The following BTNL9 variants were observed in gnomAD, a reference collection of about 807,000 sequenced individuals.
BTNL9 encodes the protein butyrophilin-like protein 9.
In BTNL9, 45 loss-of-function variants were observed where a neutral mutation model predicts 45.8. The ratio of observed to expected loss-of-function variants is 0.98; its 90% CI spans 0.77 to 1.26. BTNL9 has a LOEUF of 1.26. Ranked by LOEUF, BTNL9 falls within the 50% of genes most tolerant of loss-of-function variation. The pLI is 0.00. For missense variants in BTNL9, 784 were observed against 729.7 expected (o/e 1.07, Z -0.86); for synonymous variants, 346 against 330.8 (o/e 1.05, Z -0.50).
At chr5:181,059,185 G>C (rs1245157485) in intron 10 of BTNL9, 52 bp from the exon 11 acceptor site, 1 of 1,430,180 alleles carries the variant, frequency 7.0e-7, no homozygotes, top group Non-Finnish European at 9.1e-7. Flanking sequence ...GGGAAGACAC[G>C]GACGGGGCCC....
At position 181,044,412 on chromosome 5, in the gene BTNL9, A is replaced by G. The variant is rs904869985; in HGVS notation, c.-23-1055A>G. 3.3e-5 allele frequency among the ~76,000 whole-genome samples: 5 copies of G among 152,280 alleles called. No homozygotes were observed. The South Asian group carries it at 8.3e-4, about 25-fold the overall frequency. ...GAGAGGAGCCCACCGTGGCCTTCCA[A>G]CAAGGGCACTGTGATGAAGTGAAAG... On this transcript the variant is annotated intron_variant, in intron 1 of 10. Coordinates refer to ENST00000327705, the MANE Select transcript of BTNL9 (RefSeq NM_152547.5).
At chr5:181,049,963 C>T (rs767017833) in intron 3 of BTNL9, 125 bp from the exon 4 acceptor site, 88 of 1,252,598 alleles carry the variant, frequency 7.0e-5, no homozygotes, top group Non-Finnish European at 8.6e-5. Context: ...AGCCCACACA[C>T]GTCTTAATAG....
chr5:181,058,073 GTC>G (rs1324936403), intron 9 of BTNL9, among the ~76,000 whole-genome samples: 2 of 152,146 alleles, frequency 1.3e-5, no homozygotes, highest in Non-Finnish European at 2.9e-5. Context: ...TGCTTATAGA[GTC>G]TCTTTACCTA....
intron 4 of BTNL9, among the ~76,000 whole-genome samples, chr5:181,051,201 G>C (rs184299291): frequency 6.6e-6 from 1 of 152,202 alleles, no homozygotes; most frequent in East Asian, 1.9e-4. Flanking sequence ...GGAAGTGGGC[G>C]TGTAGGCAGT....
intron 4 of BTNL9, among the ~76,000 whole-genome samples, chr5:181,051,800 A>C (rs1438668791): frequency 6.6e-6 from 1 of 152,184 alleles, no homozygotes; most frequent in Non-Finnish European, 1.5e-5. Flanking sequence ...TTTTCTTTTT[A>C]GCTTTTAATA....
Position 181,053,565 on chromosome 5 carries a change from G to A in BTNL9, c.886+64G>A, listed in dbSNP as rs892796755. ...GTGCCAAAACCCGCCGTCATCTAAA[G>A]GCTGTGGGTCCCGTTACGAGGGTTT... On this transcript the variant is annotated intron_variant, in intron 6 of 10. Transcript: ENST00000327705. This position sits in a 1 kb window ranked among gnomAD's most constrained non-coding sequence, Gnocchi z 6.5. 10 of 1,552,574 alleles carry A rather than the reference G, an allele frequency of 6.4e-6. No individual in the cohort carries two copies. Among genetic ancestry groups the A allele is most frequent in the Non-Finnish European group, 8.7e-6 (10 of 1,147,956 alleles).
Position 181,048,098 on chromosome 5 carries a change from G to A in BTNL9, c.281G>A (p.Gly94Asp), listed in dbSNP as rs370876526. The change falls in exon 3 of 11, where the codon GGC (glycine) becomes GAC (aspartate). Residue 94 changes from glycine (G) to aspartate (D), a missense_variant. Coordinates refer to ENST00000327705, the MANE Select transcript of BTNL9 (RefSeq NM_152547.5). ...TACCAGGAGCAGCAGGAGCTCCCTG[G>A]CAGGCAGATGCCGGCGTTCCGGAAC... ...HLYQEQQELP[G>D]RQMPAFRNRT... 6.2e-7 allele frequency: 1 copy of A among 1,613,554 alleles called. No individual in the cohort carries two copies. Among genetic ancestry groups the A allele is most frequent in the African/African-American group, 1.3e-5 (1 of 74,926 alleles).
chr5:181,058,265 C>CCCTCATA, intron 9 of BTNL9, 87 bp from the exon 10 acceptor site: 1 of 1,458,672 alleles, frequency 6.9e-7, no homozygotes, highest in Non-Finnish European at 9.6e-7. Context: ...CTGCATGCAT[C>CCCTCATA]CCTCATACAT....
chr5:181,055,601 C>T lies in BTNL9; in HGVS notation c.928+148C>T. ...TGGCTAACACAGTGAAACCCCGTCTCTTCTAAAAATACAAAAAATTAGCCC... is the reference window on the plus strand; with the variant it reads ...TGGCTAACACAGTGAAACCCCGTCTTTTCTAAAAATACAAAAAATTAGCCC... On this transcript the variant is annotated intron_variant, in intron 8 of 10. Coordinates refer to ENST00000327705, the MANE Select transcript of BTNL9 (RefSeq NM_152547.5). The surrounding 1 kb of genome is among the most constrained non-coding windows in gnomAD (Gnocchi z 4.4). The T allele has an allele frequency of 1.0e-6, 1 of 955,688 alleles. No homozygotes were observed. The highest frequency in any genetic ancestry group is 1.4e-5 in the South Asian group (1 of 73,212). The allele number at this position is 955,688 out of a possible 1,614,324, so 59.2% of individuals were successfully genotyped here.
chr5:181,059,475 C>A lies in BTNL9; in HGVS notation c.1221C>A (p.Arg407=). The A allele has an allele frequency of 6.9e-7, 1 of 1,453,786 alleles. No individual in the cohort carries two copies. Among genetic ancestry groups the A allele is most frequent in the Admixed American group, 3.0e-5 (1 of 33,792 alleles). 90.1% of individuals were successfully genotyped at this position (1,453,786 alleles called of 1,614,324 possible). ...GCGCCTGCCTGGCCGCGGTGCCGCG[C>A]GCGGGGCCTGCGCGCCTGAGCCCTG... ...FLGACLAAVP[R]AGPARLSPAA... is the part of the protein sequence containing the mutation. The change falls in exon 11 of 11, where the codon CGC becomes CGA. Residue 407 remains arginine, a synonymous_variant. Coordinates refer to ENST00000327705, the MANE Select transcript of BTNL9 (RefSeq NM_152547.5).
chr5:181,059,722 G>A lies in BTNL9; in HGVS notation c.1468G>A (p.Ala490Thr), dbSNP rs772162101. ...GCTCTGTGCGTACTTCAGGCCCAGG[G>A]CCCACGACGGCGGCGAACATCCGGA... Reference protein sequence around the residue: ...GALCAYFRPRAHDGGEHPDPL... With the variant: ...GALCAYFRPRTHDGGEHPDPL... The change falls in exon 11 of 11, where the codon GCC (alanine) becomes ACC (threonine). Residue 490 changes from alanine (A) to threonine (T), a missense_variant. Coordinates refer to ENST00000327705, the MANE Select transcript of BTNL9 (RefSeq NM_152547.5). The A allele has an allele frequency of 1.2e-6, 2 of 1,613,356 alleles. No homozygotes were observed. Among genetic ancestry groups the A allele is most frequent in the Non-Finnish European group, 1.7e-6 (2 of 1,179,958 alleles).
intron 2 of BTNL9, among the ~76,000 whole-genome samples, chr5:181,046,678 A>C (rs574385947): frequency 2.0e-5 from 3 of 151,590 alleles, no homozygotes; most frequent in East Asian, 1.9e-4. Context: ...AGAAAGAGAG[A>C]GAGCGAGAGA....
At chr5:181,044,130 T>C (rs1760956174) in intron 1 of BTNL9, among the ~76,000 whole-genome samples, 2 of 152,192 alleles carry the variant, frequency 1.3e-5, no homozygotes, top group Admixed American at 1.3e-4. Context: ...TATTCCTGCC[T>C]GTCTGGGTGC....
chr5:181,058,097 C>T (rs911747009), intron 9 of BTNL9, among the ~76,000 whole-genome samples: 9 of 152,172 alleles, frequency 5.9e-5, no homozygotes, highest in Non-Finnish European at 8.8e-5. Context: ...ATGCTCCACT[C>T]TCCTGCTTTT....
intron 2 of BTNL9, chr5:181,047,490 A>T: frequency 1.0e-6 from 1 of 992,322 alleles, no homozygotes; most frequent in Non-Finnish European, 1.2e-6. Flanking sequence ...AATTATCACC[A>T]TCAGCAATTT....
chr5:181,047,409 T>C, intron 2 of BTNL9: 3 of 764,290 alleles, frequency 3.9e-6, no homozygotes, highest in Non-Finnish European at 4.8e-6. Context: ...AAGCTGTACA[T>C]GTGAATTATT....
chr5:181,053,755 C>T lies in BTNL9; in HGVS notation c.886+254C>T. On this transcript the variant is annotated intron_variant, in intron 6 of 10. Coordinates refer to ENST00000327705, the MANE Select transcript of BTNL9 (RefSeq NM_152547.5). This position sits in a 1 kb window ranked among gnomAD's most constrained non-coding sequence, Gnocchi z 6.5. ...CAGGGTTGACCGGCTGCTGTCGTTACGCCCTCGGAGCTTCACATCACACTG... is the reference window on the plus strand; with the variant it reads ...CAGGGTTGACCGGCTGCTGTCGTTATGCCCTCGGAGCTTCACATCACACTG... The T allele has an allele frequency of 2.6e-6, 4 of 1,513,238 alleles. No homozygotes were observed. Among genetic ancestry groups the T allele is most frequent in the South Asian group, 1.2e-5 (1 of 80,156 alleles). 93.7% of individuals were successfully genotyped at this position (1,513,238 alleles called of 1,614,324 possible).
intron 6 of BTNL9, 171 bp from the exon 7 acceptor site, chr5:181,054,068 C>G (rs1761739397): frequency 1.3e-6 from 2 of 1,546,904 alleles, no homozygotes; most frequent in Admixed American, 2.0e-5. Flanking sequence ...ACTTCCCCAT[C>G]CCCTGCCTGG....
chr5:181,055,399 AG>A lies in BTNL9; in HGVS notation c.908-32del. The A allele has an allele frequency of 6.2e-7, 1 of 1,614,118 alleles. No homozygotes were observed. Among genetic ancestry groups the A allele is most frequent in the South Asian group, 1.1e-5 (1 of 91,080 alleles). On this transcript the variant is annotated intron_variant, in intron 7 of 10. Transcript: ENST00000327705. This position sits in a 1 kb window ranked among gnomAD's most constrained non-coding sequence, Gnocchi z 4.4. ...TGGGAAGATGGTTCCACCCACCTGC[AG>A]GCTGAAGTTTTCTTTGTGTGTTCTG...
Sources: gnomAD v4.1 joint callset for allele counts (sites outside exome capture counted in the v4.1 genomes callset) on GRCh38, gnomAD v4.1.1 for gene constraint, Gnocchi (gnomAD v3.1) non-coding constraint, MANE v1.5 for transcripts, NCBI Gene and HGNC (gene_info 2026-07-23, HGNC 2026-07-21) for gene names.